PPP6R3: variants seen among roughly 807,000 people sequenced by gnomAD.
PPP6R3 encodes serine/threonine-protein phosphatase 6 regulatory subunit 3.
PPP6R3 carries 38 observed loss-of-function variants against 110.7 expected under a neutral mutation model. The ratio of observed to expected loss-of-function variants is 0.34; its 90% CI spans 0.26 to 0.45. The LOEUF is 0.45. Among genes scored for constraint, PPP6R3 ranks in the 20% least tolerant of loss-of-function variants. The pLI, the probability that PPP6R3 is intolerant of heterozygous loss-of-function variation, is 1.00. For missense variants in PPP6R3, 870 were observed against 1,062.4 expected (o/e 0.82, Z 2.52); for synonymous variants, 369 against 373.5 (o/e 0.99, Z 0.14).
intron 1 of PPP6R3, among the ~76,000 whole-genome samples, chr11:68,470,654 G>A (rs1454830307): frequency 6.6e-6 from 1 of 152,202 alleles, no homozygotes; most frequent in Non-Finnish European, 1.5e-5. Context: ...ATCCAGGAGA[G>A]CAGTAATGGC....
chr11:68,494,435 C>T (rs1453043984), intron 1 of PPP6R3, among the ~76,000 whole-genome samples: 4 of 135,298 alleles, frequency 3.0e-5, no homozygotes, highest in Admixed American at 7.4e-5. Flanking sequence ...AAAAAAAAAG[C>T]TGGTACCTAT....
intron 14 of PPP6R3, among the ~76,000 whole-genome samples, chr11:68,576,457 C>T (rs2099531844): frequency 5.3e-5 from 8 of 152,102 alleles, no homozygotes; most frequent in Admixed American, 5.2e-4. Flanking sequence ...TTGAGTATAC[C>T]CTCGTTTTAC....
intron 5 of PPP6R3, among the ~76,000 whole-genome samples, chr11:68,548,731 T>G (rs2099358942): frequency 6.6e-6 from 1 of 152,190 alleles, no homozygotes; most frequent in Non-Finnish European, 1.5e-5. Flanking sequence ...AGGACATATT[T>G]TAAAATGTAG....
chr11:68,493,313 G>T (rs1416901497), intron 1 of PPP6R3, among the ~76,000 whole-genome samples: 2 of 152,062 alleles, frequency 1.3e-5, no homozygotes, highest in African/African-American at 2.4e-5. Flanking sequence ...GTATACATTG[G>T]TGGTAGTTAA....
At chr11:68,612,212 C>G (rs529477021) in intron 23 of PPP6R3, among the ~76,000 whole-genome samples, 2 of 152,182 alleles carry the variant, frequency 1.3e-5, no homozygotes, top group African/African-American at 4.8e-5. Flanking sequence ...TCCTATGTCT[C>G]TCATACACGG....
rs1171464761 is a variant in PPP6R3 at position 68,614,903 on chromosome 11, GTGAGTTTTGCCAGCCATGGCCAGGGTT to G, written c.*1789_*1815del. The G allele has an allele frequency of 2.2e-5, 18 of 803,036 alleles. No homozygotes were observed. The highest frequency in any genetic ancestry group is 3.3e-5 in the Non-Finnish European group (16 of 488,506). 49.7% of individuals were successfully genotyped at this position (803,036 alleles called of 1,614,324 possible). ...TAATATGCTCTGGTCTCGCCTGGTGGTGAGTTTTGCCAGCCATGGCCAGGGTTTGGCTCCACTGGTGGCACACGTGGC... is the reference window on the plus strand; with the variant it reads ...TAATATGCTCTGGTCTCGCCTGGTGGTGGCTCCACTGGTGGCACACGTGGC... On this transcript the variant is annotated 3_prime_UTR_variant, in exon 24 of 24. Transcript: ENST00000393800.
Position 68,609,414 on chromosome 11 carries a change from A to T in PPP6R3, c.2451-490A>T, listed in dbSNP as rs551597352. On this transcript the variant is annotated intron_variant, in intron 22 of 23. Coordinates refer to ENST00000393800, the MANE Select transcript of PPP6R3 (RefSeq NM_001164161.2). ...TGATGGGGTCTGTCTTGCTGCTTTA[A>T]TGGTGGGCTTGGCCCCAAAAGCAAA... 6.9e-6 allele frequency: 5 copies of T among 721,628 alleles called. No individual in the cohort carries two copies. In the East Asian group the frequency reaches 8.0e-5, roughly 12 times the overall value. The allele number at this position is 721,628 out of a possible 1,614,324, so 44.7% of individuals were successfully genotyped here. A position where few individuals can be genotyped will look rare whatever the true frequency, so the allele number is the denominator to read the frequency against.
chr11:68,499,233 G>T (rs940010960), intron 1 of PPP6R3, among the ~76,000 whole-genome samples: 1 of 152,074 alleles, frequency 6.6e-6, no homozygotes, highest in Non-Finnish European at 1.5e-5. Flanking sequence ...TCAGAAACTT[G>T]GGAGTGGCAT....
intron 1 of PPP6R3, among the ~76,000 whole-genome samples, chr11:68,517,374 A>T (rs1376919427): frequency 2.0e-5 from 3 of 152,148 alleles, no homozygotes; most frequent in African/African-American, 7.2e-5. Context: ...TGTTTGCTAT[A>T]AAAGGACAGA....
At chr11:68,480,850 A>G (rs955948237) in intron 1 of PPP6R3, among the ~76,000 whole-genome samples, 4 of 152,186 alleles carry the variant, frequency 2.6e-5, no homozygotes, top group Non-Finnish European at 4.4e-5. Flanking sequence ...TGGAGTGTTC[A>G]TGTGTCAATT....
chr11:68,609,605 C>T, intron 22 of PPP6R3: 1 of 1,551,976 alleles, frequency 6.4e-7, no homozygotes, highest in Non-Finnish European at 8.7e-7. Context: ...GCACACTGGG[C>T]TTCAGAGTGT....
rs73506285 is a variant in PPP6R3, at chr11:68,598,721, G to C, written c.2039-1620G>C. On this transcript the variant is annotated intron_variant, in intron 19 of 23. Coordinates refer to ENST00000393800, the MANE Select transcript of PPP6R3 (RefSeq NM_001164161.2). Reference sequence around the variant, plus strand: ...CATCTGGGAAAGACTATCTCAAAGAGATAACAGAAAAGTCATTTGTGTGTA... The same window carrying C: ...CATCTGGGAAAGACTATCTCAAAGACATAACAGAAAAGTCATTTGTGTGTA... Among the ~76,000 whole-genome samples the C allele has an allele frequency of 2.0e-3, 307 of 152,292 alleles. 2 individuals carry two copies. Among genetic ancestry groups the C allele is most frequent in the African/African-American group, 7.3e-3 (304 of 41,556 alleles).
intron 9 of PPP6R3, among the ~76,000 whole-genome samples, chr11:68,566,084 T>C (rs984418119): frequency 1.3e-5 from 2 of 152,232 alleles, no homozygotes; most frequent in African/African-American, 4.8e-5. Context: ...TAGAAACTCC[T>C]GTTGATGGAC....
chr11:68,541,983 G>A (rs2099317999), intron 3 of PPP6R3, among the ~76,000 whole-genome samples: 1 of 152,134 alleles, frequency 6.6e-6, no homozygotes, highest in Non-Finnish European at 1.5e-5. Context: ...TCTTGTAACA[G>A]GAGCAGAGAG....
chr11:68,600,438 G>A lies in PPP6R3; in HGVS notation c.2136G>A (p.Pro712=), dbSNP rs1308392348. ...CTGATGTCTGGAGCACAGAGGAGCC[G>A]ATGCCAACTAAAGAGACGGGCTGGG... The part of the protein sequence containing the change: ...VGSDVWSTEE[P]MPTKETGWAS... Residue 712 remains proline, a synonymous_variant, in exon 20 of 24, where the codon CCG becomes CCA. Transcript: ENST00000393800. 2.1e-5 allele frequency: 34 copies of A among 1,614,106 alleles called. No individual in the cohort carries two copies. Among genetic ancestry groups the A allele is most frequent in the African/African-American group, 4.0e-5 (3 of 75,018 alleles).
intron 14 of PPP6R3, among the ~76,000 whole-genome samples, chr11:68,579,173 A>G (rs1187037606): frequency 1.3e-5 from 2 of 152,166 alleles, no homozygotes; most frequent in Non-Finnish European, 2.9e-5. Flanking sequence ...GGGTGTTTCT[A>G]ACTAATCCTA....
chr11:68,468,516 A>G (rs1394540465), intron 1 of PPP6R3, among the ~76,000 whole-genome samples: 1 of 152,214 alleles, frequency 6.6e-6, no homozygotes, highest in African/African-American at 2.4e-5. Context: ...AGATCCTCCC[A>G]TCATAGGTAT....
chr11:68,605,722 A>G (rs1939315981), intron 22 of PPP6R3, among the ~76,000 whole-genome samples: 2 of 152,258 alleles, frequency 1.3e-5, no homozygotes, highest in African/African-American at 4.8e-5. Context: ...GATATTAGAA[A>G]TAACCTTATA....
In PPP6R3 at chr11:68,603,427, T is replaced by C. The variant is rs371855125; in HGVS notation, c.2385T>C (p.Asn795=). The change falls in exon 22 of 24, where the codon AAT becomes AAC. Residue 795 remains asparagine (N), a synonymous_variant. Transcript: ENST00000393800. ...ACAAGGTAACTGAGACAGTGATGAA[T>C]GGCGGCATGAAGGAAACGCTCAGCC... The part of the protein sequence containing the change: ...STDKVTETVM[N]GGMKETLSLT... 163 of 1,613,966 alleles carry C rather than the reference T, an allele frequency of 1.0e-4. No homozygotes were observed. The highest frequency in any genetic ancestry group is 1.3e-4 in the Non-Finnish European group (156 of 1,180,024).
Sources: gnomAD v4.1 joint callset for allele counts (sites outside exome capture counted in the v4.1 genomes callset) on GRCh38, gnomAD v4.1.1 for gene constraint, MANE v1.5 for transcripts, NCBI Gene and HGNC (gene_info 2026-07-23, HGNC 2026-07-21) for gene names.